Variants in MAGI1 observed in about 807,000 individuals in gnomAD.
The protein encoded by MAGI1 is membrane associated guanylate kinase, WW and PDZ domain containing 1, also known as membrane-associated guanylate kinase, WW and PDZ domain-containing protein 1.
Under a neutral mutation model 139.9 loss-of-function variants are expected in MAGI1, and 58 were observed. The ratio of observed to expected loss-of-function variants is 0.41; its 90% CI spans 0.34 to 0.52. The LOEUF is 0.52. Ranked by LOEUF, MAGI1 falls within the 20% of genes least tolerant of loss-of-function variation. The pLI is 0.12. For missense variants in MAGI1, 1,874 were observed against 1,901.6 expected (o/e 0.99, Z 0.27); for synonymous variants, 812 against 737.9 (o/e 1.10, Z -1.63).
chr3:65,658,602 G>C (rs2086018471), intron 1 of MAGI1, among the ~76,000 whole-genome samples: 1 of 152,166 alleles, frequency 6.6e-6, no homozygotes, highest in Non-Finnish European at 1.5e-5. Flanking sequence ...ACTGGGATGA[G>C]TCCTTACATT....
intron 1 of MAGI1, among the ~76,000 whole-genome samples, chr3:65,870,106 T>C (rs1013064079): frequency 6.6e-6 from 1 of 152,214 alleles, no homozygotes; most frequent in African/African-American, 2.4e-5. Flanking sequence ...ACACGGATGC[T>C]GAGCATTTAT....
At chr3:66,020,930 T>C (rs1276351389) in intron 1 of MAGI1, among the ~76,000 whole-genome samples, 1 of 152,102 alleles carries the variant, frequency 6.6e-6, no homozygotes, top group Non-Finnish European at 1.5e-5. Context: ...TTAAGAAAAC[T>C]GTCATCGGTA....
intron 1 of MAGI1, among the ~76,000 whole-genome samples, chr3:65,802,205 G>A (rs545139394): frequency 3.3e-5 from 5 of 152,132 alleles, no homozygotes; most frequent in East Asian, 1.9e-4. Context: ...TATGTGCAAC[G>A]CATTATTCTT....
At chr3:65,562,202 C>T (rs2080389405) in intron 2 of MAGI1, among the ~76,000 whole-genome samples, 1 of 151,958 alleles carries the variant, frequency 6.6e-6, no homozygotes, top group South Asian at 2.1e-4. Flanking sequence ...GGAATGTACC[C>T]CTGTTGATAA....
intron 12 of MAGI1, among the ~76,000 whole-genome samples, chr3:65,427,233 A>C (rs1466918898): frequency 6.6e-6 from 1 of 152,074 alleles, no homozygotes; most frequent in East Asian, 1.9e-4. Flanking sequence ...GATCGCTTGA[A>C]ACTAGGAGGT....
chr3:65,593,579 C>G (rs994891696), intron 2 of MAGI1, among the ~76,000 whole-genome samples: 2 of 152,130 alleles, frequency 1.3e-5, no homozygotes, highest in African/African-American at 4.8e-5. Context: ...GTTTCATTTT[C>G]TATTTTCAAA....
rs141282381 is a variant in MAGI1, at chr3:66,033,483, T to G, written c.313+4513A>C. Among the ~76,000 whole-genome samples, 821 of 152,256 alleles carry G rather than the reference T, an allele frequency of 5.4e-3. 11 individuals carry two copies. The highest frequency in any genetic ancestry group is 0.019 in the African/African-American group (771 of 41,546). ...TTACAGCACACCAGAAGGAGGTCAC[T>G]GAGGAGAAAGAAGCAAGACCAGAGA... On this transcript the variant is annotated intron_variant, in intron 1 of 22. Transcript: ENST00000402939.
At chr3:65,718,382 T>A (rs1235568590) in intron 1 of MAGI1, 2 of 152,148 alleles carry the variant, frequency 1.3e-5, no homozygotes, top group African/African-American at 2.4e-5. Context: ...GAGATGGAGA[T>A]GAACCAATCT....
chr3:66,035,786 C>G (rs1242780846), intron 1 of MAGI1, among the ~76,000 whole-genome samples: 1 of 152,174 alleles, frequency 6.6e-6, no homozygotes, highest in East Asian at 1.9e-4. Flanking sequence ...GAGCTAACAC[C>G]TGGAGACACT....
At chr3:65,551,659 A>G (rs1489491846) in intron 2 of MAGI1, among the ~76,000 whole-genome samples, 2 of 152,252 alleles carry the variant, frequency 1.3e-5, no homozygotes, top group Non-Finnish European at 2.9e-5. Flanking sequence ...AAAATGGACT[A>G]ACACACCCAA....
At chr3:65,613,563 A>G (rs1172817458) in intron 2 of MAGI1, among the ~76,000 whole-genome samples, 2 of 152,142 alleles carry the variant, frequency 1.3e-5, no homozygotes, top group African/African-American at 4.8e-5. Context: ...TTACGTTTGT[A>G]ATTTTTTTCC....
chr3:65,970,532 A>C (rs1164792008), intron 1 of MAGI1, among the ~76,000 whole-genome samples: 1 of 152,150 alleles, frequency 6.6e-6, no homozygotes, highest in Admixed American at 6.5e-5. Flanking sequence ...TAAAAAAAAA[A>C]AAAAAGAATC....
rs558843888 is a variant in MAGI1 at position 65,440,483 on chromosome 3, T to C, written c.1137-471A>G. Among the ~76,000 whole-genome samples the C allele has an allele frequency of 2.6e-5, 4 of 152,218 alleles. No individual in the cohort carries two copies. The South Asian group carries it at 6.2e-4, about 24-fold the overall frequency. On this transcript the variant is annotated intron_variant, in intron 8 of 22. Transcript: ENST00000402939. ...TGCTTTAATTCAATAAGAAGTAGAT[T>C]AAGGAATTATTGAGACATAAGATTA...
chr3:65,697,121 T>C (rs1448818313), intron 1 of MAGI1, among the ~76,000 whole-genome samples: 1 of 152,080 alleles, frequency 6.6e-6, no homozygotes, highest in Non-Finnish European at 1.5e-5. Context: ...CTAGAAAATC[T>C]AGAAGAAATG....
At chr3:65,879,825 C>G (rs1221379773) in intron 1 of MAGI1, among the ~76,000 whole-genome samples, 1 of 152,212 alleles carries the variant, frequency 6.6e-6, no homozygotes, top group Non-Finnish European at 1.5e-5. Context: ...TCAAGTCACA[C>G]AGCTGATAAG....
At chr3:66,020,592 A>G (rs887222639) in intron 1 of MAGI1, among the ~76,000 whole-genome samples, 3 of 152,200 alleles carry the variant, frequency 2.0e-5, no homozygotes, top group African/African-American at 7.2e-5. Flanking sequence ...TTGGACCCAT[A>G]CGCTGATTGA....
At chr3:65,453,175 T>A in intron 6 of MAGI1, 83 bp downstream of exon 6, 1 of 1,197,202 alleles carries the variant, frequency 8.4e-7, no homozygotes, top group Non-Finnish European at 1.2e-6. Flanking sequence ...AAGACCCGAC[T>A]GACCTGGCTA....
intron 1 of MAGI1, among the ~76,000 whole-genome samples, chr3:65,880,226 A>G (rs2060269216): frequency 6.6e-6 from 1 of 151,184 alleles, no homozygotes; most frequent in Non-Finnish European, 1.5e-5. Context: ...TGGGTGACAG[A>G]GCAAGACCCT....
intron 1 of MAGI1, among the ~76,000 whole-genome samples, chr3:65,936,930 GTGGTGA>G (rs2063086753): frequency 6.6e-6 from 1 of 151,178 alleles, no homozygotes. Context: ...GGTGGTGGTG[GTGGTGA>G]TGGTGGTGGT....
Sources: allele counts gnomAD v4.1 joint callset (sites outside exome capture counted in the v4.1 genomes callset), GRCh38; gene constraint gnomAD v4.1.1; transcripts MANE v1.5; gene names NCBI Gene and HGNC (gene_info 2026-07-23, HGNC 2026-07-21).